Variants in EXOC6B observed in about 807,000 individuals in gnomAD.
EXOC6B encodes the protein exocyst complex component 6B.
Under a neutral mutation model 113.5 loss-of-function variants are expected in EXOC6B, and 54 were observed. That is an observed-to-expected ratio of 0.48 (90% CI 0.38 to 0.60). EXOC6B has a LOEUF of 0.60. Among genes scored for constraint, EXOC6B ranks in the 20% least tolerant of loss-of-function variants. The pLI, the probability that EXOC6B is intolerant of heterozygous loss-of-function variation, is 0.00. For missense variants in EXOC6B, 797 were observed against 977.5 expected (o/e 0.82, Z 2.46); for synonymous variants, 357 against 339.0 (o/e 1.05, Z -0.58).
chr2:72,238,931 C>T (rs1443572000), intron 20 of EXOC6B, among the ~76,000 whole-genome samples: 1 of 152,110 alleles, frequency 6.6e-6, no homozygotes, highest in African/African-American at 2.4e-5. Flanking sequence ...CAGAGTCTCA[C>T]TCTGTTGCCC....
At chr2:72,213,859 G>T (rs1680342256) in intron 20 of EXOC6B, among the ~76,000 whole-genome samples, 3 of 152,088 alleles carry the variant, frequency 2.0e-5, no homozygotes, top group Non-Finnish European at 2.9e-5. Context: ...CACGGAATCT[G>T]CCTTGATCCT....
chr2:72,602,154 C>A (rs7562135), intron 6 of EXOC6B, among the ~76,000 whole-genome samples: 1,681 of 152,090 alleles, frequency 0.011, 27 homozygotes, highest in African/African-American at 0.039. Context: ...GAGGATTGAG[C>A]AACATGAGAA....
chr2:72,302,989 C>G (rs1686622454), intron 20 of EXOC6B, among the ~76,000 whole-genome samples: 1 of 152,076 alleles, frequency 6.6e-6, no homozygotes, highest in African/African-American at 2.4e-5. Flanking sequence ...GTGCTTCTTT[C>G]AAGATCTCTT....
chr2:72,214,846 G>A (rs1196763461), intron 20 of EXOC6B, among the ~76,000 whole-genome samples: 5 of 152,140 alleles, frequency 3.3e-5, no homozygotes, highest in African/African-American at 4.8e-5. Context: ...TTTTGCATGC[G>A]AAAATTTTGC....
chr2:72,259,762 G>C (rs770848655), intron 20 of EXOC6B, among the ~76,000 whole-genome samples: 5 of 152,046 alleles, frequency 3.3e-5, no homozygotes, highest in African/African-American at 9.7e-5. Context: ...TGAAAGTGTA[G>C]CAGTGCGGCC....
intron 20 of EXOC6B, among the ~76,000 whole-genome samples, chr2:72,237,083 A>G (rs899958396): frequency 2.6e-5 from 4 of 152,214 alleles, no homozygotes; most frequent in African/African-American, 9.6e-5. Flanking sequence ...AAACAGAAGA[A>G]TGTGGAAGTG....
At chr2:72,815,674 T>A (rs1686199017) in intron 1 of EXOC6B, among the ~76,000 whole-genome samples, 1 of 151,996 alleles carries the variant, frequency 6.6e-6, no homozygotes, top group Admixed American at 6.5e-5. Flanking sequence ...CCAAAAGTCT[T>A]TGGGTTGTTG....
intron 1 of EXOC6B, among the ~76,000 whole-genome samples, chr2:72,816,809 T>C (rs916189903): frequency 6.6e-6 from 1 of 152,220 alleles, no homozygotes; most frequent in African/African-American, 2.4e-5. Context: ...TTTTCTGTGG[T>C]GTGAATCTAA....
chr2:72,407,727 A>G (rs1693880707), intron 18 of EXOC6B, among the ~76,000 whole-genome samples: 1 of 152,212 alleles, frequency 6.6e-6, no homozygotes, highest in African/African-American at 2.4e-5. Flanking sequence ...AAATAATAAA[A>G]GCTATCTATG....
rs527530489 is a variant in EXOC6B at position 72,457,644 on chromosome 2, C to T, written c.1980+7516G>A. The stretch of plus-strand genomic sequence containing the variant: ...ATAAATTCTCAAAAACATGCTCTTA[C>T]GCTGAGCATGCAAAATGGGTAACTG... On this transcript the variant is annotated intron_variant, in intron 18 of 21. Transcript: ENST00000272427. Among the ~76,000 whole-genome samples, 100 of 152,098 alleles carry T rather than the reference C, an allele frequency of 6.6e-4. 1 individual carries two copies. The highest frequency in any genetic ancestry group is 2.3e-3 in the South Asian group (11 of 4,826).
intron 6 of EXOC6B, among the ~76,000 whole-genome samples, chr2:72,594,612 C>T (rs1669951112): frequency 6.6e-6 from 1 of 152,138 alleles, no homozygotes; most frequent in Non-Finnish European, 1.5e-5. Flanking sequence ...CTTGTTTCTG[C>T]TGTCTTCCTA....
chr2:72,455,006 T>C (rs1339663305), intron 18 of EXOC6B, among the ~76,000 whole-genome samples: 2 of 152,162 alleles, frequency 1.3e-5, no homozygotes, highest in Admixed American at 1.3e-4. Flanking sequence ...AATCAATCTC[T>C]TGATAGGCAG....
intron 18 of EXOC6B, among the ~76,000 whole-genome samples, chr2:72,404,934 C>T (rs147725782): frequency 6.6e-6 from 1 of 151,950 alleles, no homozygotes; most frequent in East Asian, 1.9e-4. Context: ...AGTTTCAACC[C>T]ATGGCAAAGA....
intron 7 of EXOC6B, 50 bp downstream of exon 7, chr2:72,575,442 C>T (rs755579488): frequency 6.6e-7 from 1 of 1,520,282 alleles, no homozygotes. Context: ...CTCAACCATA[C>T]TATTTAAGCT....
chr2:72,249,299 G>A lies in EXOC6B; in HGVS notation c.2197-65112C>T, dbSNP rs147775280. On this transcript the variant is annotated intron_variant, in intron 20 of 21. Transcript: ENST00000272427. ...TTTTGAGACGGAGTCTCACTCAGTC[G>A]CCCAGGCTGGAGTGCAGTGGTGCAA... Among the ~76,000 whole-genome samples the A allele has an allele frequency of 9.2e-5, 14 of 152,148 alleles. No homozygotes were observed. The East Asian group carries it at 2.1e-3, about 23-fold the overall frequency.
chr2:72,630,640 C>T lies in EXOC6B; in HGVS notation c.670-54972G>A, dbSNP rs184692735. On this transcript the variant is annotated intron_variant, in intron 6 of 21. Coordinates refer to ENST00000272427, the MANE Select transcript of EXOC6B (RefSeq NM_015189.3). ...CTTCTATATACCCTTCCACATGATA[C>T]AATAAATATTTATTTTCATTCCAAA... 2.3e-3 allele frequency among the ~76,000 whole-genome samples: 346 copies of T among 152,068 alleles called. 2 individuals are homozygous for T. The highest frequency in any genetic ancestry group is 0.02 in the Middle Eastern group (6 of 294).
chr2:72,551,908 T>C (rs903851373), intron 8 of EXOC6B, among the ~76,000 whole-genome samples: 1 of 152,236 alleles, frequency 6.6e-6, no homozygotes, highest in Non-Finnish European at 1.5e-5. Context: ...AATGTAATCA[T>C]ATTAAAGCAT....
chr2:72,456,370 A>T (rs1322487075), intron 18 of EXOC6B, among the ~76,000 whole-genome samples: 1 of 152,156 alleles, frequency 6.6e-6, no homozygotes, highest in East Asian at 1.9e-4. Flanking sequence ...ATGATTGTCA[A>T]TGCCCAGGCA....
chr2:72,266,125 T>A (rs1227615235), intron 20 of EXOC6B, among the ~76,000 whole-genome samples: 1 of 152,146 alleles, frequency 6.6e-6, no homozygotes, highest in African/African-American at 2.4e-5. Context: ...TGTAAATTTG[T>A]TTGAGTTCAT....
Sources: gnomAD v4.1 joint callset for allele counts (sites outside exome capture counted in the v4.1 genomes callset) on GRCh38, gnomAD v4.1.1 for gene constraint, MANE v1.5 for transcripts, NCBI Gene and HGNC (gene_info 2026-07-23, HGNC 2026-07-21) for gene names.